Variants in UBASH3A observed in about 807,000 individuals in gnomAD.
The protein encoded by UBASH3A is ubiquitin-associated and SH3 domain-containing protein A.
A neutral mutation model predicts 73.5 loss-of-function variants in UBASH3A; 63 were observed. The observed-to-expected ratio is 0.86, with a 90% CI of 0.70 to 1.06. UBASH3A has a LOEUF of 1.06. UBASH3A is among the 50% of genes least tolerant of loss of function. The pLI is 0.00. For missense variants in UBASH3A, 860 were observed against 859.0 expected (o/e 1.00, Z -0.02); for synonymous variants, 363 against 351.1 (o/e 1.03, Z -0.38).
chr21:42,441,956 A>G (rs1459864241), intron 11 of UBASH3A, among the ~76,000 whole-genome samples: 1 of 152,204 alleles, frequency 6.6e-6, no homozygotes, highest in Non-Finnish European at 1.5e-5. Context: ...GCAGGGAGTC[A>G]GAATATTCCA....
At chr21:42,443,792 C>A (rs113492993) in intron 13 of UBASH3A, among the ~76,000 whole-genome samples, 1 of 151,902 alleles carries the variant, frequency 6.6e-6, no homozygotes, top group Admixed American at 6.5e-5. Flanking sequence ...GTGCAGTAAC[C>A]GGGTGCACAG....
chr21:42,419,206 T>G (rs899016647), intron 7 of UBASH3A, among the ~76,000 whole-genome samples: 63 of 152,308 alleles, frequency 4.1e-4, no homozygotes, highest in African/African-American at 1.4e-3. Context: ...GGGCTCCTGG[T>G]GAGTTGCTTC....
At chr21:42,435,187 G>C (rs2053603872) in intron 10 of UBASH3A, 2 of 369,480 alleles carry the variant, frequency 5.4e-6, no homozygotes, top group Admixed American at 9.4e-5. Context: ...CAGGAAGTTG[G>C]CAGGAATGAA....
chr21:42,418,424 CA>C lies in UBASH3A; in HGVS notation c.864del (p.Lys288AsnfsTer8). The part of the protein sequence containing the change: ...YQTLRALFQY[K>X]PQNVDELTLS... ...AGACCCTGAGAGCCCTATTCCAGTA[CA>C]AACCCCAGAACGTGGATGAGCTGAC... On this transcript the variant is annotated frameshift_variant, in exon 7 of 15. Coordinates refer to ENST00000319294, the MANE Select transcript of UBASH3A (RefSeq NM_018961.4). LOFTEE classifies it high-confidence loss of function. 6.2e-7 allele frequency: 1 copy of C among 1,614,184 alleles called. No homozygotes were observed. Among genetic ancestry groups the C allele is most frequent in the Non-Finnish European group, 8.5e-7 (1 of 1,180,018 alleles).
Position 42,444,560 on chromosome 21 carries a change from G to A in UBASH3A, c.1765G>A (p.Gly589Ser), listed in dbSNP as rs779043493. 1.5e-5 allele frequency: 25 copies of A among 1,613,662 alleles called. No homozygotes were observed. Among genetic ancestry groups the A allele is most frequent in the African/African-American group, 9.3e-5 (7 of 74,926 alleles). Residue 589 changes from glycine (G) to serine (S), a missense_variant, in exon 14 of 15, where the codon GGC becomes AGC. By Grantham distance (56) the Gly-to-Ser change is moderately conservative. Coordinates refer to ENST00000319294, the MANE Select transcript of UBASH3A (RefSeq NM_018961.4). ...DTGVILIVSH[G>S]STLDSCTRPL... ...GGGTGTCATCCTAATTGTGAGTCAC[G>A]GCTCCACTCTGGACTCCTGCACGCG...
chr21:42,413,608 T>C lies in UBASH3A; in HGVS notation c.667+85T>C. 1 of 1,039,212 alleles carries C rather than the reference T, an allele frequency of 9.6e-7. No homozygotes were observed. The highest frequency in any genetic ancestry group is 1.4e-6 in the Non-Finnish European group (1 of 705,304). 64.4% of individuals were successfully genotyped at this position (1,039,212 alleles called of 1,614,324 possible). Reference sequence around the variant, plus strand: ...TGTTCTCATTATGTGGTTTTTAAAATGCTTAGCTATATGCCAACAGCCTGG... The same window carrying C: ...TGTTCTCATTATGTGGTTTTTAAAACGCTTAGCTATATGCCAACAGCCTGG... On this transcript the variant is annotated intron_variant, in intron 5 of 14. Transcript: ENST00000319294. This position sits in a 1 kb window ranked among gnomAD's most constrained non-coding sequence, Gnocchi z 4.5.
intron 1 of UBASH3A, among the ~76,000 whole-genome samples, chr21:42,405,317 A>C (rs1322427955): frequency 6.6e-6 from 1 of 152,190 alleles, no homozygotes; most frequent in South Asian, 2.1e-4. Context: ...CAGGCAGGAC[A>C]CTGGGCCCAG....
chr21:42,434,180 C>T (rs918151394), intron 9 of UBASH3A, among the ~76,000 whole-genome samples: 1 of 152,104 alleles, frequency 6.6e-6, no homozygotes, highest in African/African-American at 2.4e-5. Context: ...CTACTCTTTC[C>T]CTGTTTTTTA....
chr21:42,408,983 A>G (rs1174532031), intron 2 of UBASH3A, among the ~76,000 whole-genome samples: 1 of 152,110 alleles, frequency 6.6e-6, no homozygotes, highest in Non-Finnish European at 1.5e-5. Flanking sequence ...CGCAGCAGCT[A>G]CCTAAATTTT....
At chr21:42,418,731 T>C in intron 7 of UBASH3A, 122 bp downstream of exon 7, 2 of 894,252 alleles carry the variant, frequency 2.2e-6, no homozygotes, top group Non-Finnish European at 3.4e-6. Context: ...TTCTGTATGC[T>C]GACAAAATTA....
Position 42,447,537 on chromosome 21 carries a change from A to AC in UBASH3A, c.*343_*344insC. 1 of 200,994 alleles carries AC rather than the reference A, an allele frequency of 5.0e-6. No homozygotes were observed. Among genetic ancestry groups the AC allele is most frequent in the Non-Finnish European group, 1.0e-5 (1 of 100,426 alleles). 12.5% of individuals were successfully genotyped at this position (200,994 alleles called of 1,614,324 possible). On this transcript the variant is annotated 3_prime_UTR_variant, in exon 15 of 15. Coordinates refer to ENST00000319294, the MANE Select transcript of UBASH3A (RefSeq NM_018961.4). ...AAGACTCACCACACACGAAGGATCTAACCACTTCATTTTCCATGGTCTAAT... is the reference window on the plus strand; with the variant it reads ...AAGACTCACCACACACGAAGGATCTACACCACTTCATTTTCCATGGTCTAAT...
At position 42,411,482 on chromosome 21, in the gene UBASH3A, GATACACACATGC is replaced by G. The variant is rs551055156; in HGVS notation, c.355-1532_355-1521del. Among the ~76,000 whole-genome samples, 392 of 150,920 alleles carry G rather than the reference GATACACACATGC, an allele frequency of 2.6e-3. 3 individuals are homozygous for G. The highest frequency in any genetic ancestry group is 9.0e-3 in the African/African-American group (370 of 41,094). Reference sequence around the variant, plus strand: ...CACCACATGCACACATATGCACACAGATACACACATGCATACACACAGACACACATATAGACA... The same window carrying G: ...CACCACATGCACACATATGCACACAGATACACACAGACACACATATAGACA... On this transcript the variant is annotated intron_variant, in intron 3 of 14. Coordinates refer to ENST00000319294, the MANE Select transcript of UBASH3A (RefSeq NM_018961.4).
In UBASH3A at chr21:42,432,133, G is replaced by A; in HGVS notation, c.1201G>A (p.Val401Ile). The A allele has an allele frequency of 6.2e-7, 1 of 1,613,718 alleles. No individual in the cohort carries two copies. Among genetic ancestry groups the A allele is most frequent in the South Asian group, 1.1e-5 (1 of 90,976 alleles). Reference protein sequence around the residue: ...ATVARKSVLVVRHGERVDQIF... With the variant: ...ATVARKSVLVIRHGERVDQIF... ...CGTTGCAAGGAAGAGCGTGCTGGTG[G>A]TTCGCCACGGGGAGAGAGTGGATCA... Residue 401 changes from valine (V) to isoleucine (I), a missense_variant, in exon 9 of 15, where the codon GTT (valine) becomes ATT (isoleucine). By Grantham distance (29) the Val-to-Ile change is conservative. Transcript: ENST00000319294.
intron 2 of UBASH3A, among the ~76,000 whole-genome samples, chr21:42,408,321 T>C (rs1343802272): frequency 6.6e-6 from 1 of 152,224 alleles, no homozygotes; most frequent in Non-Finnish European, 1.5e-5. Context: ...GCACGGTAAA[T>C]AGATTTGCTA....
At chr21:42,439,925 CACACACATACACACACCACACACACG>C (rs1030169593) in intron 11 of UBASH3A, among the ~76,000 whole-genome samples, 4 of 144,804 alleles carry the variant, frequency 2.8e-5, no homozygotes, top group African/African-American at 1.0e-4. Flanking sequence ...TCACACACAC[CACACACATACACACACCACACACACG>C]ACACACACCA....
At chr21:42,409,801 C>T (rs1387290752) in intron 3 of UBASH3A, among the ~76,000 whole-genome samples, 193 bp downstream of exon 3, 6 of 152,216 alleles carry the variant, frequency 3.9e-5, no homozygotes. Flanking sequence ...ATTAATCCTT[C>T]AGAACCCAAC....
At position 42,438,526 on chromosome 21, in the gene UBASH3A, T is replaced by C. The variant is rs376701083; in HGVS notation, c.1486+946T>C. Reference sequence around the variant, plus strand: ...GATGCATCAGCCGGGCTAGGGGGTCTCTTCCAGCTTAGACCGGGAGTAGGT... The same window carrying C: ...GATGCATCAGCCGGGCTAGGGGGTCCCTTCCAGCTTAGACCGGGAGTAGGT... On this transcript the variant is annotated intron_variant, in intron 11 of 14. Coordinates refer to ENST00000319294, the MANE Select transcript of UBASH3A (RefSeq NM_018961.4). Among the ~76,000 whole-genome samples, 53 of 152,232 alleles carry C rather than the reference T, an allele frequency of 3.5e-4. 1 individual carries two copies. In the East Asian group the frequency reaches 0.01, roughly 29 times the overall value.
At chr21:42,439,662 C>CCA (rs918111156) in intron 11 of UBASH3A, among the ~76,000 whole-genome samples, 4 of 150,912 alleles carry the variant, frequency 2.7e-5, no homozygotes, top group African/African-American at 9.8e-5. Flanking sequence ...TCCACACACA[C>CCA]CACACACACA....
chr21:42,445,302 C>T (rs1001146063), intron 14 of UBASH3A, among the ~76,000 whole-genome samples: 4 of 152,256 alleles, frequency 2.6e-5, no homozygotes, highest in African/African-American at 9.6e-5. Context: ...AGGCTGGACT[C>T]ACCACAGTCC....
Sources: gnomAD v4.1 joint callset for allele counts (sites outside exome capture counted in the v4.1 genomes callset) on GRCh38, gnomAD v4.1.1 for gene constraint, Gnocchi (gnomAD v3.1) non-coding constraint, MANE v1.5 for transcripts, NCBI Gene and HGNC (gene_info 2026-07-23, HGNC 2026-07-21) for gene names.